Variants in NCAM1 observed in about 807,000 individuals in gnomAD.
The protein encoded by NCAM1 is antigen recognized by monoclonal antibody 5.1H11.
A neutral mutation model predicts 109.8 loss-of-function variants in NCAM1; 14 were observed. The ratio of observed to expected loss-of-function variants is 0.13; its 90% CI spans 0.08 to 0.20. NCAM1 has a LOEUF of 0.20. NCAM1 is among the 10% of genes least tolerant of loss of function. The pLI, the probability that NCAM1 is intolerant of heterozygous loss-of-function variation, is 1.00. For synonymous variants in NCAM1, 418 were observed against 442.9 expected (o/e 0.94, Z 0.70); for missense variants, 774 against 1,109.9 (o/e 0.70, Z 4.30).
intron 17 of NCAM1, among the ~76,000 whole-genome samples, chr11:113,268,588 G>A (rs558208416): frequency 3.9e-5 from 6 of 152,316 alleles, no homozygotes; most frequent in Non-Finnish European, 8.8e-5. Flanking sequence ...ACTGAAGTTT[G>A]AAATATGGAC....
chr11:113,060,598 G>C (rs782704548), intron 1 of NCAM1, among the ~76,000 whole-genome samples: 7 of 152,154 alleles, frequency 4.6e-5, no homozygotes, highest in Admixed American at 1.3e-4. Flanking sequence ...TTCTAGAAAG[G>C]CTGTGTTATT....
intron 1 of NCAM1, among the ~76,000 whole-genome samples, chr11:113,151,857 G>A (rs1555102517): frequency 6.6e-6 from 1 of 152,172 alleles, no homozygotes; most frequent in African/African-American, 2.4e-5. Flanking sequence ...CAATCCACTG[G>A]GCTGAGAAGC....
Position 113,273,095 on chromosome 11 carries a change from C to CACGCCT in NCAM1, c.2456+1220_2456+1225dup. On this transcript the variant is annotated intron_variant, in intron 19 of 19. Coordinates refer to ENST00000316851, the MANE Select transcript of NCAM1 (RefSeq NM_181351.5). The surrounding 1 kb of genome is among the most constrained non-coding windows in gnomAD (Gnocchi z 6.0). ...CCAGTATTGCCCCGCCGGCCACGGC[C>CACGCCT]ACGCCTGACTCAAACTCTGTACCGG... The CACGCCT allele has an allele frequency of 4.4e-6, 2 of 456,560 alleles. No individual in the cohort carries two copies. Among genetic ancestry groups the CACGCCT allele is most frequent in the Non-Finnish European group, 8.8e-6 (2 of 226,812 alleles). The allele number at this position is 456,560 out of a possible 1,614,324, so 28.3% of individuals were successfully genotyped here.
At chr11:112,990,168 G>T (rs1189970745) in intron 1 of NCAM1, among the ~76,000 whole-genome samples, 3 of 152,136 alleles carry the variant, frequency 2.0e-5, no homozygotes, top group African/African-American at 4.8e-5. Context: ...TGGGATGAAG[G>T]TCAGCTTTAC....
intron 1 of NCAM1, among the ~76,000 whole-genome samples, chr11:113,201,014 C>T (rs1555111721): frequency 1.3e-5 from 2 of 152,142 alleles, no homozygotes; most frequent in Admixed American, 1.3e-4. Flanking sequence ...CATCTTCCCC[C>T]TGCCTCTGCC....
chr11:113,202,505 G>T, intron 2 of NCAM1, 52 bp downstream of exon 2: 1 of 1,510,346 alleles, frequency 6.6e-7, no homozygotes, highest in Non-Finnish European at 9.0e-7. Flanking sequence ...GAAACTCACT[G>T]GGTAGAGCAG....
At chr11:112,969,974 G>C (rs1252832780) in intron 1 of NCAM1, among the ~76,000 whole-genome samples, 5 of 151,992 alleles carry the variant, frequency 3.3e-5, no homozygotes, top group African/African-American at 1.2e-4. Context: ...TTAATGTCTG[G>C]GGGAAAAAAG....
At chr11:113,048,568 A>G (rs1033577225) in intron 1 of NCAM1, among the ~76,000 whole-genome samples, 11 of 152,218 alleles carry the variant, frequency 7.2e-5, no homozygotes, top group Non-Finnish European at 1.6e-4. Flanking sequence ...TGCGAGGCCT[A>G]CAGTTTCTCT....
At chr11:113,250,393 C>T (rs1945640797) in intron 15 of NCAM1, among the ~76,000 whole-genome samples, 1 of 152,208 alleles carries the variant, frequency 6.6e-6, no homozygotes, top group Non-Finnish European at 1.5e-5. Context: ...AACGCTAAAT[C>T]CTGATTCCCT....
Position 113,072,525 on chromosome 11 carries a change from C to T in NCAM1, c.52+110861C>T, listed in dbSNP as rs7109724. 9.7e-3 allele frequency among the ~76,000 whole-genome samples: 1,476 copies of T among 152,150 alleles called. 33 individuals are homozygous for T. The highest frequency in any genetic ancestry group is 0.034 in the African/African-American group (1,408 of 41,506). On this transcript the variant is annotated intron_variant, in intron 1 of 19. Coordinates refer to ENST00000316851, the MANE Select transcript of NCAM1 (RefSeq NM_181351.5). ...AAGCCAAATAAATCTAGACTGGACC[C>T]GTTTTGTTGAATTATGTCGTTTCAT...
In NCAM1 at chr11:113,232,122, CT is replaced by C. The variant is rs1555117355; in HGVS notation, c.1241-46del. ...AGTGCCAGGAGACAGGATATGGGGG[CT>C]TCATAATCATGGCAGTCATCCTGAC... On this transcript the variant is annotated intron_variant, in intron 10 of 19. Coordinates refer to ENST00000316851, the MANE Select transcript of NCAM1 (RefSeq NM_181351.5). 8 of 1,506,928 alleles carry C rather than the reference CT, an allele frequency of 5.3e-6. No homozygotes were observed. The South Asian group carries it at 1.1e-4, about 20-fold the overall frequency. The allele number at this position is 1,506,928 out of a possible 1,614,324, so 93.3% of individuals were successfully genotyped here.
chr11:113,070,639 G>A (rs1487190374), intron 1 of NCAM1, among the ~76,000 whole-genome samples: 2 of 152,118 alleles, frequency 1.3e-5, no homozygotes, highest in Middle Eastern at 3.2e-3. Context: ...TATGGCTTTT[G>A]CTTTTTCTAA....
Position 113,275,246 on chromosome 11 carries a change from TG to T in NCAM1, c.2457-20del, listed in dbSNP as rs1565544665. The T allele has an allele frequency of 6.2e-7, 1 of 1,613,322 alleles. No homozygotes were observed. The highest frequency in any genetic ancestry group is 2.2e-5 in the East Asian group (1 of 44,834). On this transcript the variant is annotated intron_variant, in intron 19 of 19. Transcript: ENST00000316851. ...CTGCAGACCGTGGTCTCAGTGGTTC[TG>T]TTTTCCTGATTCTCTGCAGGAAGGG... is the stretch of plus-strand genomic sequence containing the variant.
At chr11:113,227,110 A>C (rs575961326) in intron 9 of NCAM1, among the ~76,000 whole-genome samples, 35 of 152,332 alleles carry the variant, frequency 2.3e-4, no homozygotes, top group African/African-American at 7.2e-4. Context: ...CAGAGACACA[A>C]AAAACCCTTC....
At chr11:112,982,018 C>G (rs1465045198) in intron 1 of NCAM1, among the ~76,000 whole-genome samples, 1 of 151,866 alleles carries the variant, frequency 6.6e-6, no homozygotes, top group Non-Finnish European at 1.5e-5. Context: ...TGGCATCAAG[C>G]CCATTATGTG....
chr11:113,056,969 C>T (rs542525336), intron 1 of NCAM1, among the ~76,000 whole-genome samples: 3 of 152,292 alleles, frequency 2.0e-5, no homozygotes, highest in East Asian at 3.9e-4. Flanking sequence ...ATTCCTTGAG[C>T]ATCCACTACA....
intron 1 of NCAM1, among the ~76,000 whole-genome samples, chr11:113,045,523 C>T (rs1953235134): frequency 6.6e-6 from 1 of 152,216 alleles, no homozygotes; most frequent in Non-Finnish European, 1.5e-5. Flanking sequence ...CATTCGCGAG[C>T]TTGCCGTGGG....
At chr11:112,965,292 G>T (rs915677904) in intron 1 of NCAM1, among the ~76,000 whole-genome samples, 41 of 151,932 alleles carry the variant, frequency 2.7e-4, no homozygotes, top group African/African-American at 9.4e-4. Flanking sequence ...ATGTGGGTGT[G>T]CTATTTGTAA....
At chr11:113,128,145 A>G (rs1328450597) in intron 1 of NCAM1, among the ~76,000 whole-genome samples, 1 of 152,020 alleles carries the variant, frequency 6.6e-6, no homozygotes, top group Non-Finnish European at 1.5e-5. Flanking sequence ...TGGCAACCAC[A>G]CTTTCTTTCC....
Sources: allele counts gnomAD v4.1 joint callset (sites outside exome capture counted in the v4.1 genomes callset), GRCh38; gene constraint gnomAD v4.1.1; non-coding constraint Gnocchi (gnomAD v3.1); transcripts MANE v1.5; gene names NCBI Gene and HGNC (gene_info 2026-07-23, HGNC 2026-07-21).